The following DLGAP2 variants were observed in gnomAD, a reference collection of about 807,000 sequenced individuals.
DLGAP2 encodes the protein disks large-associated protein 2.
Under a neutral mutation model 100.3 loss-of-function variants are expected in DLGAP2, and 26 were observed. The observed-to-expected ratio is 0.26, with a 90% CI of 0.19 to 0.36. The LOEUF (loss-of-function observed/expected upper bound fraction) is 0.36. Ranked by LOEUF, DLGAP2 falls within the 10% of genes least tolerant of loss-of-function variation. The probability of loss-of-function intolerance (pLI) is 1.00; values close to 1 mark genes in which losing one functional copy is unlikely to be tolerated. For synonymous variants in DLGAP2, 886 were observed against 630.1 expected, an observed-to-expected ratio of 1.41 and a Z score of -6.08; for missense variants, 1,858 against 1,453.2, an observed-to-expected ratio of 1.28 and a Z score of -4.53.
At position 1,026,488 on chromosome 8, in the gene DLGAP2, T is replaced by C. The variant is rs1024229583; in HGVS notation, c.73+118522T>C. ...TGCCTGCTCCGACCTGCTCCTGCTG[T>C]GATCTAAACTGCTGGCTGGGCTGCC... is the stretch of plus-strand genomic sequence containing the variant. On this transcript the variant is annotated intron_variant, in intron 2 of 14. Coordinates refer to ENST00000637795, the MANE Select transcript of DLGAP2 (RefSeq NM_001346810.2). 2.8e-4 allele frequency among the ~76,000 whole-genome samples: 43 copies of C among 152,324 alleles called. 1 individual carries two copies. Among genetic ancestry groups the C allele is most frequent in the Non-Finnish European group, 6.3e-4 (43 of 68,030 alleles).
intron 2 of DLGAP2, among the ~76,000 whole-genome samples, chr8:1,190,152 T>C (rs767310727): frequency 2.0e-5 from 3 of 152,196 alleles, no homozygotes; most frequent in Non-Finnish European, 4.4e-5. Context: ...AGTTGAGTTA[T>C]GGATTGCACT....
intron 2 of DLGAP2, among the ~76,000 whole-genome samples, chr8:1,244,244 C>A (rs11991203): frequency 6.6e-6 from 1 of 152,166 alleles, no homozygotes; most frequent in African/African-American, 2.4e-5. Context: ...CATTTTGCAC[C>A]CTAGTGCCCG....
At chr8:1,291,757 C>T (rs558365593) in intron 3 of DLGAP2, among the ~76,000 whole-genome samples, 3 of 152,222 alleles carry the variant, frequency 2.0e-5, no homozygotes, top group African/African-American at 7.2e-5. Context: ...AACACCACAC[C>T]CAACATTGAG....
At chr8:1,278,258 A>G (rs1445630168) in intron 3 of DLGAP2, among the ~76,000 whole-genome samples, 1 of 152,216 alleles carries the variant, frequency 6.6e-6, no homozygotes, top group African/African-American at 2.4e-5. Context: ...AAAAGTGGAA[A>G]AGAAGATCTA....
chr8:1,447,265 C>A (rs1416883081), intron 3 of DLGAP2, among the ~76,000 whole-genome samples: 5 of 151,920 alleles, frequency 3.3e-5, no homozygotes, highest in Admixed American at 3.3e-4. Context: ...GGGATACATC[C>A]CATCTAATTT....
chr8:1,696,847 C>G (rs1205406177), intron 13 of DLGAP2, among the ~76,000 whole-genome samples: 1 of 152,256 alleles, frequency 6.6e-6, no homozygotes, highest in East Asian at 1.9e-4. Context: ...AAAACACAGG[C>G]TCCTACTGCT....
At chr8:1,492,624 C>T (rs371740553) in intron 3 of DLGAP2, among the ~76,000 whole-genome samples, 1 of 152,220 alleles carries the variant, frequency 6.6e-6, no homozygotes, top group Admixed American at 6.5e-5. Flanking sequence ...TGTCCCCTCC[C>T]CCCACGAAGA....
At chr8:1,654,173 C>T (rs1317068104) in intron 8 of DLGAP2, among the ~76,000 whole-genome samples, 1 of 152,096 alleles carries the variant, frequency 6.6e-6, no homozygotes, top group African/African-American at 2.4e-5. Flanking sequence ...ATTAGGTGTC[C>T]CGTGTACGCA....
At chr8:1,012,727 A>T (rs1258781882) in intron 2 of DLGAP2, among the ~76,000 whole-genome samples, 1 of 74,634 alleles carries the variant, frequency 1.3e-5, no homozygotes, top group Admixed American at 1.9e-4. Flanking sequence ...ACACCGTCCG[A>T]CCGGCCCCCC....
chr8:1,256,863 A>G (rs912655278), intron 2 of DLGAP2, among the ~76,000 whole-genome samples: 6 of 152,088 alleles, frequency 3.9e-5, no homozygotes, highest in Non-Finnish European at 5.9e-5. Context: ...CCCCTGGGTA[A>G]CAGGAGCCCC....
At chr8:1,199,023 G>T (rs112920661) in intron 2 of DLGAP2, among the ~76,000 whole-genome samples, 6 of 152,390 alleles carry the variant, frequency 3.9e-5, no homozygotes, top group African/African-American at 1.4e-4. Context: ...TGCAGCAGAG[G>T]TCGCGTGGTT....
intron 3 of DLGAP2, among the ~76,000 whole-genome samples, chr8:1,290,543 G>C (rs1313727318): frequency 6.6e-6 from 1 of 152,182 alleles, no homozygotes; most frequent in Non-Finnish European, 1.5e-5. Context: ...AGTTATAAAA[G>C]AGACAAGTCA....
intron 2 of DLGAP2, among the ~76,000 whole-genome samples, chr8:932,657 T>C (rs1040902830): frequency 1.3e-5 from 2 of 152,236 alleles, no homozygotes; most frequent in African/African-American, 4.8e-5. Context: ...GCCTGCAATG[T>C]AGTCTCATGT....
At chr8:761,029 G>C (rs1310539993) in intron 1 of DLGAP2, among the ~76,000 whole-genome samples, 1 of 152,198 alleles carries the variant, frequency 6.6e-6, no homozygotes, top group Admixed American at 6.5e-5. Flanking sequence ...AGCTGACATG[G>C]TCGGTCCTGG....
chr8:1,316,612 A>G (rs1585252605), intron 3 of DLGAP2, among the ~76,000 whole-genome samples: 1 of 143,928 alleles, frequency 6.9e-6, no homozygotes, highest in South Asian at 2.2e-4. Context: ...GCGTTTAAAA[A>G]TAGAGCGTGT....
chr8:1,472,452 T>C (rs1422451505), intron 3 of DLGAP2, among the ~76,000 whole-genome samples: 3 of 152,206 alleles, frequency 2.0e-5, no homozygotes. Flanking sequence ...GGTATACATA[T>C]TTCCAGAATT....
chr8:1,550,055 G>T (rs1385352055), intron 5 of DLGAP2, among the ~76,000 whole-genome samples: 1 of 152,114 alleles, frequency 6.6e-6, no homozygotes, highest in Non-Finnish European at 1.5e-5. Flanking sequence ...GGTAACCACG[G>T]TTCCACTCTC....
chr8:1,618,303 T>C (rs572311476), intron 6 of DLGAP2, among the ~76,000 whole-genome samples: 1 of 152,334 alleles, frequency 6.6e-6, no homozygotes, highest in South Asian at 2.1e-4. Context: ...ATCAATTGCA[T>C]TTCTGTAGAC....
chr8:1,358,333 A>G (rs768358837), intron 3 of DLGAP2, among the ~76,000 whole-genome samples: 22 of 152,154 alleles, frequency 1.4e-4, no homozygotes, highest in Non-Finnish European at 1.8e-4. Context: ...GTCAGGTTCA[A>G]TCGTAGATTA....
Sources: allele counts gnomAD v4.1 joint callset (sites outside exome capture counted in the v4.1 genomes callset), GRCh38; gene constraint gnomAD v4.1.1; transcripts MANE v1.5; gene names NCBI Gene and HGNC (gene_info 2026-07-23, HGNC 2026-07-21).